STK3: variants seen among roughly 807,000 people sequenced by gnomAD.
The protein encoded by STK3 is serine/threonine kinase 3, also known as serine/threonine-protein kinase 3.
Under a neutral mutation model 58.0 loss-of-function variants are expected in STK3, and 41 were observed. The ratio of observed to expected loss-of-function variants is 0.71; its 90% confidence interval spans 0.55 to 0.92. The LOEUF is 0.92. Among genes scored for constraint, STK3 ranks in the 40% least tolerant of loss-of-function variants. The pLI is 0.00. For missense variants in STK3, 479 were observed against 602.7 expected, an observed-to-expected ratio of 0.79 and a Z score of 2.15; for synonymous variants, 170 against 191.0, an observed-to-expected ratio of 0.89 and a Z score of 0.91.
At chr8:98,838,015 G>A (rs962783410) in intron 3 of STK3, among the ~76,000 whole-genome samples, 3 of 150,992 alleles carry the variant, frequency 2.0e-5, no homozygotes, top group Admixed American at 1.3e-4. Flanking sequence ...GATCACTTGA[G>A]GTTAGGAGTT....
chr8:98,794,661 T>C (rs540554890), intron 1 of STK3, among the ~76,000 whole-genome samples: 1 of 152,220 alleles, frequency 6.6e-6, no homozygotes, highest in Non-Finnish European at 1.5e-5. Context: ...CTGCAACTCA[T>C]TCGAAGGATG....
At chr8:98,550,961 C>G (rs1314216595) in intron 8 of STK3, among the ~76,000 whole-genome samples, 1 of 152,162 alleles carries the variant, frequency 6.6e-6, no homozygotes, top group Admixed American at 6.5e-5. Flanking sequence ...TAAAGCTAAA[C>G]ATTTCTGCCT....
chr8:98,461,987 C>T (rs940419972), intron 10 of STK3, among the ~76,000 whole-genome samples: 12 of 151,624 alleles, frequency 7.9e-5, no homozygotes, highest in South Asian at 2.1e-4. Flanking sequence ...GGGTGCATAC[C>T]GGGTACCTGA....
At chr8:98,752,946 C>CAAAA (rs35305701) in intron 3 of STK3, among the ~76,000 whole-genome samples, 2 of 128,314 alleles carry the variant, frequency 1.6e-5, no homozygotes, top group Non-Finnish European at 1.7e-5. Flanking sequence ...ATTAAAAAGT[C>CAAAA]AAAAAAAAAA....
intron 1 of STK3, among the ~76,000 whole-genome samples, chr8:98,903,408 G>T (rs916856919): frequency 6.6e-6 from 1 of 151,952 alleles, no homozygotes; most frequent in African/African-American, 2.4e-5. Flanking sequence ...GCTCTTTTTA[G>T]TAGTCAAATC....
At chr8:98,499,933 T>C (rs984869185) in intron 10 of STK3, among the ~76,000 whole-genome samples, 2 of 152,150 alleles carry the variant, frequency 1.3e-5, no homozygotes, top group African/African-American at 2.4e-5. Flanking sequence ...GTGAGATAGA[T>C]GTAAATCCTT....
At chr8:98,825,802 C>CTGCGGCGGCG (rs1835247763), upstream of STK3, 1 of 74,988 alleles carries the variant, frequency 1.3e-5, no homozygotes, top group Non-Finnish European at 2.8e-5. Flanking sequence ...CCGGCCGCCC[C>CTGCGGCGGCG]GCCCCGCCCC....
At chr8:98,598,284 T>G in intron 6 of STK3, 7 of 985,410 alleles carry the variant, frequency 7.1e-6, no homozygotes, top group Non-Finnish European at 8.4e-6. Context: ...ACCTTAGCAG[T>G]AGCTATTAGA....
chr8:98,776,394 C>T (rs892221018), intron 1 of STK3, among the ~76,000 whole-genome samples: 2 of 151,810 alleles, frequency 1.3e-5, no homozygotes, highest in African/African-American at 4.9e-5. Flanking sequence ...TCCTTGACAA[C>T]TGTTCTGCTC....
At chr8:98,862,339 C>A (rs1836966661) in intron 3 of STK3, among the ~76,000 whole-genome samples, 1 of 152,144 alleles carries the variant, frequency 6.6e-6, no homozygotes, top group African/African-American at 2.4e-5. Flanking sequence ...TCATTTATTG[C>A]CAAGATTTTG....
chr8:98,431,990 AC>A (rs1442348702), intron 3 of STK3: 1 of 167,068 alleles, frequency 6.0e-6, no homozygotes, highest in Non-Finnish European at 1.5e-5. Context: ...GCTGGCTTAA[AC>A]CCTGGAGCTA....
chr8:98,566,064 C>T (rs901838261), intron 8 of STK3, among the ~76,000 whole-genome samples: 1 of 152,130 alleles, frequency 6.6e-6, no homozygotes, highest in East Asian at 1.9e-4. Flanking sequence ...TGTACAATTA[C>T]CTCAGCACCT....
chr8:98,349,564 C>T, the STK3 span, among the ~76,000 whole-genome samples: 75 of 152,372 alleles, frequency 4.9e-4, no homozygotes, highest in Middle Eastern at 3.4e-3. Context: ...ACCCACTCCA[C>T]ATTTCCTTTC....
intron 10 of STK3, among the ~76,000 whole-genome samples, chr8:98,471,854 C>T (rs1207944547): frequency 2.6e-5 from 4 of 152,150 alleles, no homozygotes; most frequent in Admixed American, 6.5e-5. Context: ...AAATGTTCCT[C>T]TGAATGTGTT....
At chr8:98,675,700 A>C (rs1823154952) in intron 6 of STK3, among the ~76,000 whole-genome samples, 1 of 152,084 alleles carries the variant, frequency 6.6e-6, no homozygotes, top group Non-Finnish European at 1.5e-5. Context: ...CTCTCTACTA[A>C]AAATAACAAA....
At chr8:98,750,049 T>A (rs1829875479) in intron 3 of STK3, among the ~76,000 whole-genome samples, 1 of 152,034 alleles carries the variant, frequency 6.6e-6, no homozygotes, top group Non-Finnish European at 1.5e-5. Context: ...GTATGAGAAA[T>A]CTAACCTATC....
intron 3 of STK3, among the ~76,000 whole-genome samples, chr8:98,843,756 C>A (rs925321270): frequency 3.3e-5 from 5 of 152,208 alleles, no homozygotes; most frequent in African/African-American, 1.2e-4. Context: ...GTGGCTCACG[C>A]CTGTAATCCC....
intron 1 of STK3, among the ~76,000 whole-genome samples, chr8:98,444,730 C>T (rs1202603259): frequency 6.6e-6 from 1 of 152,024 alleles, no homozygotes; most frequent in African/African-American, 2.4e-5. Context: ...ACGTGTGGGA[C>T]ATTAAAAATG....
chr8:98,445,274 T>C (rs1195944337), intron 1 of STK3, among the ~76,000 whole-genome samples: 1 of 152,182 alleles, frequency 6.6e-6, no homozygotes, highest in African/African-American at 2.4e-5. Context: ...TATCCATTCA[T>C]CAGCTGATGG....
Sources: gnomAD v4.1 joint callset for allele counts (sites outside exome capture counted in the v4.1 genomes callset) on GRCh38, gnomAD v4.1.1 for gene constraint, MANE v1.5 for transcripts, NCBI Gene and HGNC (gene_info 2026-07-23, HGNC 2026-07-21) for gene names.